SV2C: variants seen among roughly 807,000 people sequenced by gnomAD.
SV2C encodes the protein synaptic vesicle glycoprotein 2C.
Under a neutral mutation model 79.7 loss-of-function variants are expected in SV2C, and 49 were observed. The observed-to-expected ratio is 0.61, with a 90% CI of 0.49 to 0.78. SV2C has a LOEUF of 0.78. Ranked by LOEUF, SV2C falls within the 30% of genes least tolerant of loss-of-function variation. The pLI, the probability that SV2C is intolerant of heterozygous loss-of-function variation, is 0.00. For synonymous variants in SV2C, 334 were observed against 333.2 expected (o/e 1.00, Z -0.03); for missense variants, 833 against 912.9 (o/e 0.91, Z 1.13).
intron 2 of SV2C, among the ~76,000 whole-genome samples, chr5:76,166,782 A>G (rs12188684): frequency 0.45 from 68,436 of 152,082 alleles, 15,732 homozygotes; most frequent in South Asian, 0.52. Flanking sequence ...TTAGGCATCC[A>G]CAAACCTCAT....
chr5:76,020,651 C>T, the SV2C span, among the ~76,000 whole-genome samples: 39 of 152,170 alleles, frequency 2.6e-4, 1 homozygote, highest in African/African-American at 7.7e-4. Flanking sequence ...AGTGTGACTA[C>T]GAAACAAGCC....
At chr5:76,235,099 T>G (rs940674314) in intron 4 of SV2C, among the ~76,000 whole-genome samples, 19 of 151,656 alleles carry the variant, frequency 1.3e-4, no homozygotes, top group Non-Finnish European at 2.1e-4. Flanking sequence ...TGTACCCAAT[T>G]GTGATTTGCT....
chr5:75,898,815 A>G, the SV2C span, among the ~76,000 whole-genome samples: 9,100 of 151,824 alleles, frequency 0.06, 759 homozygotes, highest in African/African-American at 0.19. Context: ...ATGTGTTGAG[A>G]AATTTATCCA....
In SV2C at chr5:76,325,461, C is replaced by T; in HGVS notation, c.2098C>T (p.Pro700Ser). ...TCTGGTCAGCATCACCAAATCAATCCCCATCCTGCTGGCTTCTACTGTGCT... is the reference window on the plus strand; with the variant it reads ...TCTGGTCAGCATCACCAAATCAATCTCCATCCTGCTGGCTTCTACTGTGCT... ...GSLVSITKSI[P>S]ILLASTVLVC... The change falls in exon 13 of 13, where the codon CCC becomes TCC. Residue 700 changes from proline (P) to serine (S), a missense_variant. Transcript: ENST00000502798. 4 of 1,614,126 alleles carry T rather than the reference C, an allele frequency of 2.5e-6. No individual in the cohort carries two copies. The highest frequency in any genetic ancestry group is 3.4e-6 in the Non-Finnish European group (4 of 1,180,028).
chr5:75,952,247 T>TTTCCTTCCTACCTTCCTTCC, the SV2C span, among the ~76,000 whole-genome samples: 144 of 144,350 alleles, frequency 1.0e-3, 1 homozygote, highest in African/African-American at 3.5e-3. Flanking sequence ...TCTCCTGCAT[T>TTTCCTTCCTACCTTCCTTCC]TTCCTTCCTT....
the SV2C span, among the ~76,000 whole-genome samples, chr5:75,970,258 A>G: frequency 1.3e-5 from 2 of 152,114 alleles, no homozygotes; most frequent in Non-Finnish European, 2.9e-5. Context: ...ATCACAATTA[A>G]AAGAACTAGA....
chr5:76,094,910 G>A (rs1005394503), intron 1 of SV2C, among the ~76,000 whole-genome samples: 3 of 151,626 alleles, frequency 2.0e-5, no homozygotes, highest in African/African-American at 7.3e-5. Context: ...TTATACTATT[G>A]ACAGTGTCTT....
chr5:76,179,212 G>C (rs1400148733), intron 2 of SV2C, among the ~76,000 whole-genome samples: 1 of 152,210 alleles, frequency 6.6e-6, no homozygotes. Flanking sequence ...TGGATGAAAG[G>C]CAAAAGGAGC....
At chr5:76,170,059 AT>A (rs1248794195) in intron 2 of SV2C, among the ~76,000 whole-genome samples, 3 of 152,122 alleles carry the variant, frequency 2.0e-5, no homozygotes, top group African/African-American at 4.8e-5. Context: ...ATCCTATTTT[AT>A]TTTTTTATTT....
chr5:76,029,925 A>C, the SV2C span, among the ~76,000 whole-genome samples: 5 of 152,230 alleles, frequency 3.3e-5, no homozygotes, highest in Admixed American at 3.3e-4. Flanking sequence ...CAAGTTCTTG[A>C]AGTAGGTTCT....
chr5:76,241,252 T>C (rs1365855007), intron 4 of SV2C, among the ~76,000 whole-genome samples: 1 of 149,874 alleles, frequency 6.7e-6, no homozygotes, highest in Non-Finnish European at 1.5e-5. Context: ...TAAACAATCA[T>C]GGTATTTCAG....
chr5:75,952,711 C>G, the SV2C span, among the ~76,000 whole-genome samples: 1 of 151,800 alleles, frequency 6.6e-6, no homozygotes, highest in Non-Finnish European at 1.5e-5. Context: ...CTCCTGAGGA[C>G]TCACCAGAAG....
intron 4 of SV2C, among the ~76,000 whole-genome samples, chr5:76,222,417 G>A (rs1340992493): frequency 6.6e-6 from 1 of 152,036 alleles, no homozygotes; most frequent in Admixed American, 6.6e-5. Context: ...ATAGAGGTGG[G>A]AGAACATGTT....
chr5:75,947,926 T>G, the SV2C span, among the ~76,000 whole-genome samples: 2 of 151,984 alleles, frequency 1.3e-5, no homozygotes, highest in East Asian at 3.9e-4. Context: ...GAAGTCTTAT[T>G]CTACTCCATA....
At chr5:76,144,841 TG>T (rs1248433886) in intron 2 of SV2C, among the ~76,000 whole-genome samples, 22 of 152,210 alleles carry the variant, frequency 1.4e-4, no homozygotes, top group Admixed American at 6.5e-5. Context: ...TTTTGTTTTT[TG>T]TTTTTTTAGC....
At chr5:76,053,969 T>TTTG in the SV2C span, among the ~76,000 whole-genome samples, 336 of 151,738 alleles carry the variant, frequency 2.2e-3, 1 homozygote, top group Non-Finnish European at 2.7e-3. Context: ...TTAAAGTAAG[T>TTTG]TTGTTGTTGT....
At chr5:76,287,054 T>C (rs1488030168) in intron 6 of SV2C, among the ~76,000 whole-genome samples, 1 of 152,226 alleles carries the variant, frequency 6.6e-6, no homozygotes, top group South Asian at 2.1e-4. Context: ...ATTATTGATA[T>C]AAAGCAATGT....
chr5:76,249,385 C>T (rs1403257624), intron 4 of SV2C, among the ~76,000 whole-genome samples: 1 of 152,174 alleles, frequency 6.6e-6, no homozygotes, highest in Non-Finnish European at 1.5e-5. Context: ...ATCAATTTTA[C>T]ATCTCCCCAT....
chr5:75,887,189 C>T, the SV2C span, among the ~76,000 whole-genome samples: 2 of 152,076 alleles, frequency 1.3e-5, no homozygotes, highest in African/African-American at 4.8e-5. Flanking sequence ...TGCATTACCT[C>T]AGAGATTTAT....
Sources: gnomAD v4.1 joint callset for allele counts (sites outside exome capture counted in the v4.1 genomes callset) on GRCh38, gnomAD v4.1.1 for gene constraint, MANE v1.5 for transcripts, NCBI Gene and HGNC (gene_info 2026-07-23, HGNC 2026-07-21) for gene names.